USP25: variants seen among roughly 807,000 people sequenced by gnomAD.
USP25 encodes the protein ubiquitin carboxyl-terminal hydrolase 25.
USP25 carries 85 observed loss-of-function variants against 158.5 expected under a neutral mutation model. That is an observed-to-expected ratio of 0.54 (90% CI 0.45 to 0.64). USP25 has a LOEUF of 0.64. Ranked by LOEUF, USP25 falls within the 30% of genes least tolerant of loss-of-function variation. The pLI, the probability that USP25 is intolerant of heterozygous loss-of-function variation, is 0.00. For missense variants in USP25, 1,242 were observed against 1,327.3 expected, an observed-to-expected ratio of 0.94 and a Z score of 1.00; for synonymous variants, 464 against 460.4, an observed-to-expected ratio of 1.01 and a Z score of -0.10.
intron 9 of USP25, among the ~76,000 whole-genome samples, 193 bp from the exon 10 acceptor site, chr21:15,818,505 A>G (rs2037064290): frequency 6.6e-6 from 1 of 152,160 alleles, no homozygotes. Flanking sequence ...GTGGATGTGT[A>G]ATATCTATGG....
chr21:15,819,944 C>T (rs551432887), intron 10 of USP25, among the ~76,000 whole-genome samples: 1 of 151,988 alleles, frequency 6.6e-6, no homozygotes, highest in Non-Finnish European at 1.5e-5. Flanking sequence ...CTCTCTACAT[C>T]GTAGATCATC....
chr21:15,789,167 A>T (rs530569540), intron 4 of USP25, among the ~76,000 whole-genome samples: 1 of 152,106 alleles, frequency 6.6e-6, no homozygotes, highest in Admixed American at 6.5e-5. Context: ...CAGTATATCA[A>T]TGTGATGTTT....
intron 3 of USP25, among the ~76,000 whole-genome samples, chr21:15,769,862 T>A (rs2823479): frequency 0.12 from 18,097 of 152,130 alleles, 1,978 homozygotes; most frequent in African/African-American, 0.29. Flanking sequence ...GTAGGTAATT[T>A]TAACACAGAA....
At chr21:15,869,242 T>C (rs1289465128) in intron 22 of USP25, among the ~76,000 whole-genome samples, 1 of 141,446 alleles carries the variant, frequency 7.1e-6, no homozygotes, top group Non-Finnish European at 1.5e-5. Flanking sequence ...AGTGAGACCC[T>C]GTCTCCAAAA....
chr21:15,840,936 G>A (rs1205128635), intron 17 of USP25, among the ~76,000 whole-genome samples: 1 of 152,194 alleles, frequency 6.6e-6, no homozygotes, highest in African/African-American at 2.4e-5. Context: ...GCTGGCATGA[G>A]CCACCTATCA....
chr21:15,874,596 A>C (rs2082935552), intron 24 of USP25, 70 bp downstream of exon 24: 1 of 1,450,086 alleles, frequency 6.9e-7, no homozygotes, highest in South Asian at 1.4e-5. Context: ...AGACTCATAT[A>C]TAAGTGATTG....
intron 16 of USP25, among the ~76,000 whole-genome samples, chr21:15,832,111 T>TA (rs1182995993): frequency 6.6e-6 from 1 of 152,216 alleles, no homozygotes; most frequent in Non-Finnish European, 1.5e-5. Flanking sequence ...GCCTAATTCT[T>TA]GTTTATCTGT....
intron 1 of USP25, among the ~76,000 whole-genome samples, chr21:15,735,686 G>C (rs1601229416): frequency 6.6e-6 from 1 of 152,220 alleles, no homozygotes; most frequent in Non-Finnish European, 1.5e-5. Context: ...GGATTATGTT[G>C]AGTCATTCAA....
rs368024387 is a variant in USP25, at chr21:15,827,073, A to G, written c.1563A>G (p.Pro521=). The G allele has an allele frequency of 1.9e-5, 31 of 1,614,010 alleles. No homozygotes were observed. The highest frequency in any genetic ancestry group is 1.7e-6 in the Non-Finnish European group (2 of 1,180,034). The change falls in exon 14 of 26, where the codon CCA becomes CCG. Residue 521 remains proline, a synonymous_variant. Transcript: ENST00000400183. ...CATCGAGATCAGTAATACACAAACC[A>G]TTTACTCAGTCCCGGATACCTCCAG... ...AISSRSVIHK[P]FTQSRIPPDL...
intron 24 of USP25, 54 bp from the exon 25 acceptor site, chr21:15,877,742 A>G: frequency 7.7e-7 from 1 of 1,295,046 alleles, no homozygotes; most frequent in Non-Finnish European, 1.1e-6. Context: ...ACAGATCCTT[A>G]ATTTAAAAAG....
chr21:15,878,661 C>A lies in USP25; in HGVS notation c.*186C>A. 2.0e-6 allele frequency: 1 copy of A among 495,438 alleles called. No individual in the cohort carries two copies. Among genetic ancestry groups the A allele is most frequent in the Non-Finnish European group, 3.3e-6 (1 of 303,324 alleles). The allele number at this position is 495,438 out of a possible 1,614,324, so 30.7% of individuals were successfully genotyped here. On this transcript the variant is annotated 3_prime_UTR_variant, in exon 26 of 26. Coordinates refer to ENST00000400183, the MANE Select transcript of USP25 (RefSeq NM_001283041.3). ...GACAATAAAGCTGAAAATCGCATGGCGCTCAGACATTTTAACCGGAACTGA... is the reference window on the plus strand; with the variant it reads ...GACAATAAAGCTGAAAATCGCATGGAGCTCAGACATTTTAACCGGAACTGA...
rs2037524777 is a variant in USP25 at position 15,826,767 on chromosome 21, C to T, written c.1467-210C>T. On this transcript the variant is annotated intron_variant, in intron 13 of 25. Transcript: ENST00000400183. The surrounding 1 kb of genome is among the most constrained non-coding windows in gnomAD (Gnocchi z 4.8). ...TTTTTTAGAAATAAATATGATTAAG[C>T]TGTTTTAACTCTAAAGCTACAACTT... Among the ~76,000 whole-genome samples, 1 of 152,068 alleles carries T rather than the reference C, an allele frequency of 6.6e-6. No individual in the cohort carries two copies. Among genetic ancestry groups the T allele is most frequent in the South Asian group, 2.1e-4 (1 of 4,828 alleles).
intron 3 of USP25, among the ~76,000 whole-genome samples, chr21:15,775,628 T>C (rs974776326): frequency 6.6e-6 from 1 of 151,742 alleles, no homozygotes; most frequent in African/African-American, 2.4e-5. Flanking sequence ...TTATATTCCA[T>C]CTCTTGACAT....
At chr21:15,810,428 A>G (rs1383417369) in intron 8 of USP25, among the ~76,000 whole-genome samples, 1 of 152,224 alleles carries the variant, frequency 6.6e-6, no homozygotes, top group Non-Finnish European at 1.5e-5. Context: ...ATTTCTATAC[A>G]GTAAGGCAAG....
chr21:15,736,509 C>G (rs1166845069), intron 1 of USP25, among the ~76,000 whole-genome samples: 1 of 152,040 alleles, frequency 6.6e-6, no homozygotes, highest in Non-Finnish European at 1.5e-5. Context: ...GTCTTGTTTT[C>G]TCCATTCAGT....
intron 1 of USP25, among the ~76,000 whole-genome samples, chr21:15,750,675 C>T (rs1160996267): frequency 1.3e-5 from 2 of 151,858 alleles, no homozygotes; most frequent in African/African-American, 4.8e-5. Flanking sequence ...GGCGTGATCA[C>T]GGCTCACTGC....
chr21:15,862,818 A>G (rs1443639123), intron 20 of USP25, among the ~76,000 whole-genome samples: 1 of 150,908 alleles, frequency 6.6e-6, no homozygotes, highest in East Asian at 1.9e-4. Context: ...TTCTATTTAT[A>G]ATCTTATGCT....
chr21:15,818,140 A>G (rs535150335), intron 9 of USP25, among the ~76,000 whole-genome samples: 2 of 152,110 alleles, frequency 1.3e-5, no homozygotes, highest in African/African-American at 4.8e-5. Flanking sequence ...ACTCCCACTC[A>G]TTATTCAAGT....
chr21:15,860,971 T>TAG (rs371751056), intron 20 of USP25, among the ~76,000 whole-genome samples: 7,340 of 143,378 alleles, frequency 0.051, 210 homozygotes, highest in Middle Eastern at 0.085. Flanking sequence ...TATATATATA[T>TAG]ATATAGAGAG....
Sources: gnomAD v4.1 joint callset for allele counts (sites outside exome capture counted in the v4.1 genomes callset) on GRCh38, gnomAD v4.1.1 for gene constraint, Gnocchi (gnomAD v3.1) non-coding constraint, MANE v1.5 for transcripts, NCBI Gene and HGNC (gene_info 2026-07-23, HGNC 2026-07-21) for gene names.